Variants in PITPNM2 observed in about 807,000 individuals in gnomAD.
PITPNM2 encodes the protein phosphatidylinositol transfer protein membrane associated 2.
In PITPNM2, 35 loss-of-function variants were observed where a neutral mutation model predicts 132.2. The ratio of observed to expected loss-of-function variants is 0.26; its 90% CI spans 0.20 to 0.35. The LOEUF is 0.35. Ranked by LOEUF, PITPNM2 falls within the 10% of genes least tolerant of loss-of-function variation. PITPNM2 has a pLI of 1.00. For missense variants in PITPNM2, 1,332 were observed against 1,912.0 expected (o/e 0.70, Z 5.66); for synonymous variants, 738 against 799.2 (o/e 0.92, Z 1.29).
intron 1 of PITPNM2, among the ~76,000 whole-genome samples, chr12:123,116,410 G>C (rs2042936732): frequency 6.6e-6 from 1 of 152,116 alleles, no homozygotes; most frequent in Admixed American, 6.5e-5. Context: ...AGTGCTTCAG[G>C]AGGCCAAGGT....
chr12:123,075,900 T>C (rs2041770372), intron 2 of PITPNM2: 1 of 152,272 alleles, frequency 6.6e-6, no homozygotes, highest in Non-Finnish European at 1.5e-5. Flanking sequence ...GCTTGGTAAC[T>C]GAACACACAC....
At position 123,064,525 on chromosome 12, in the gene PITPNM2, G is replaced by C. The variant is rs1278751715; in HGVS notation, c.-95-29840C>G. 6.6e-6 allele frequency among the ~76,000 whole-genome samples: 1 copy of C among 152,326 alleles called. No individual in the cohort carries two copies. Among genetic ancestry groups the C allele is most frequent in the East Asian group, 1.9e-4 (1 of 5,184 alleles). On this transcript the variant is annotated intron_variant, in intron 2 of 25. Transcript: ENST00000320201. This position sits in a 1 kb window ranked among gnomAD's most constrained non-coding sequence, Gnocchi z 4.0. The stretch of plus-strand genomic sequence containing the variant: ...GCCCAAGCCCATCGCGCACAGTCTG[G>C]CTCCTCTATCTTTGGCGGGGAGCCT...
chr12:123,119,945 G>A (rs1790121), intron 1 of PITPNM2, among the ~76,000 whole-genome samples: 82,298 of 151,802 alleles, frequency 0.54, 26,820 homozygotes, highest in Non-Finnish European at 0.71. Context: ...ACGTGAGGAG[G>A]CTGTGTCAGC....
rs1306541211 is a variant in PITPNM2, at chr12:123,117,033, A to T, written c.-199-6545T>A. Among the ~76,000 whole-genome samples the T allele has an allele frequency of 6.6e-6, 1 of 152,188 alleles. No homozygotes were observed. The highest frequency in any genetic ancestry group is 1.5e-5 in the Non-Finnish European group (1 of 68,040). ...ATTTTGCATCACTATGTTTGGACGT[A>T]CTCTGTTAAGCAGCAATAGGTAACT... On this transcript the variant is annotated intron_variant, in intron 1 of 25. Transcript: ENST00000320201. This position sits in a 1 kb window ranked among gnomAD's most constrained non-coding sequence, Gnocchi z 4.7.
At chr12:123,107,385 C>A (rs1037045797) in intron 2 of PITPNM2, among the ~76,000 whole-genome samples, 4 of 152,208 alleles carry the variant, frequency 2.6e-5, no homozygotes, top group African/African-American at 9.6e-5. Flanking sequence ...GGCTGGGACC[C>A]TCCTCTTTAA....
At chr12:123,001,772 T>C (rs1246322956) in intron 8 of PITPNM2, among the ~76,000 whole-genome samples, 2 of 152,168 alleles carry the variant, frequency 1.3e-5, no homozygotes, top group African/African-American at 4.8e-5. Context: ...GGCTCATGCC[T>C]GTAATCCCAG....
rs756750318 is a variant in PITPNM2, at chr12:122,986,468, G to A, written c.3694C>T (p.Arg1232Trp). The change falls in exon 25 of 26, where the codon CGG becomes TGG. Residue 1232 changes from arginine to tryptophan, a missense_variant. Around this residue, in one of 6 missense-constraint regions of PITPNM2, gnomAD observed 251 missense variants for 472.0 expected, o/e 0.53. Transcript: ENST00000320201. The part of the protein sequence containing the change: ...LSPMQIYIVG[R>W]PTKKLQQQCQ... ...TGCTGCTGCAGCTTCTTGGTGGGCCGGCCCACGATGTAGATCTGCATGGGG... is the reference window on the plus strand; with the variant it reads ...TGCTGCTGCAGCTTCTTGGTGGGCCAGCCCACGATGTAGATCTGCATGGGG... 2 of 1,579,106 alleles carry A rather than the reference G, an allele frequency of 1.3e-6. No individual in the cohort carries two copies. Among genetic ancestry groups the A allele is most frequent in the Admixed American group, 1.8e-5 (1 of 54,074 alleles).
At position 122,994,686 on chromosome 12, in the gene PITPNM2, G is replaced by A. The variant is rs904769307; in HGVS notation, c.2233+115C>T. On this transcript the variant is annotated intron_variant, in intron 15 of 25. Coordinates refer to ENST00000320201, the MANE Select transcript of PITPNM2 (RefSeq NM_020845.3). The surrounding 1 kb of genome is among the most constrained non-coding windows in gnomAD (Gnocchi z 5.4). ...GGGCCCTTGGTGGGGAAGACAGGAA[G>A]GAGGGCAGAAACAGGCCTGGGACGT... is the stretch of plus-strand genomic sequence containing the variant. 3.3e-6 allele frequency: 4 copies of A among 1,195,992 alleles called. No individual in the cohort carries two copies. The South Asian group carries it at 6.6e-5, about 20-fold the overall frequency. The allele number at this position is 1,195,992 out of a possible 1,614,324, so 74.1% of individuals were successfully genotyped here. A position where few individuals can be genotyped will look rare whatever the true frequency, so the allele number is the denominator to read the frequency against.
chr12:123,055,815 A>C (rs1041158618), intron 2 of PITPNM2, among the ~76,000 whole-genome samples: 5 of 152,090 alleles, frequency 3.3e-5, no homozygotes, highest in African/African-American at 9.7e-5. Flanking sequence ...AGAAGCAAAC[A>C]GGGCAGAGGG....
In PITPNM2 at chr12:123,036,947, G is replaced by A. The variant is rs1232787150; in HGVS notation, c.-95-2262C>T. ...GCTCAAGTGAAAAAAGACCATTGCT[G>A]ACCTTCTTCAAGGTCAATGGGTCTA... On this transcript the variant is annotated intron_variant, in intron 2 of 25. Coordinates refer to ENST00000320201, the MANE Select transcript of PITPNM2 (RefSeq NM_020845.3). This position sits in a 1 kb window ranked among gnomAD's most constrained non-coding sequence, Gnocchi z 4.1. Among the ~76,000 whole-genome samples, 3 of 152,212 alleles carry A rather than the reference G, an allele frequency of 2.0e-5. No individual in the cohort carries two copies. The highest frequency in any genetic ancestry group is 4.4e-5 in the Non-Finnish European group (3 of 68,040).
intron 19 of PITPNM2, 59 bp from the exon 20 acceptor site, chr12:122,988,409 T>C (rs1393661011): frequency 9.0e-6 from 13 of 1,446,840 alleles, no homozygotes; most frequent in African/African-American, 1.4e-5. Context: ...CTTCCTGCCC[T>C]GGGAGGAGGA....
chr12:123,032,824 T>C (rs547895852), intron 3 of PITPNM2, among the ~76,000 whole-genome samples: 14 of 152,292 alleles, frequency 9.2e-5, no homozygotes, highest in African/African-American at 3.4e-4. Flanking sequence ...ATCGGGTAAG[T>C]GGTTCAAGAG....
In PITPNM2 at chr12:123,097,729, C is replaced by T. The variant is rs1010261619; in HGVS notation, c.-96+12656G>A. 6.6e-6 allele frequency among the ~76,000 whole-genome samples: 1 copy of T among 152,214 alleles called. No individual in the cohort carries two copies. The highest frequency in any genetic ancestry group is 2.4e-5 in the African/African-American group (1 of 41,450). Reference sequence around the variant, plus strand: ...CTGTGCCTATATTTATCGCCCAAAGCCGCTGGGATAATGGCAAGGCCAGAA... The same window carrying T: ...CTGTGCCTATATTTATCGCCCAAAGTCGCTGGGATAATGGCAAGGCCAGAA... On this transcript the variant is annotated intron_variant, in intron 2 of 25. Coordinates refer to ENST00000320201, the MANE Select transcript of PITPNM2 (RefSeq NM_020845.3). The surrounding 1 kb of genome is among the most constrained non-coding windows in gnomAD (Gnocchi z 4.7).
In PITPNM2 at chr12:123,150,756, G is replaced by C. The variant is rs936232057; in HGVS notation, c.-203C>G. Among the ~76,000 whole-genome samples, 4 of 149,882 alleles carry C rather than the reference G, an allele frequency of 2.7e-5. No homozygotes were observed. The highest frequency in any genetic ancestry group is 9.7e-5 in the African/African-American group (4 of 41,134). On this transcript the variant is annotated 5_prime_UTR_variant, in exon 1 of 26. Transcript: ENST00000320201. The surrounding 1 kb of genome is among the most constrained non-coding windows in gnomAD (Gnocchi z 6.0). ...GCGGCCGCCCGGACGCACTCACCCC[G>C]CTCGGCGCGGCCGCGGGCTCTGTCC...
At position 123,009,781 on chromosome 12, in the gene PITPNM2, C is replaced by T. The variant is rs1033686154; in HGVS notation, c.643+69G>A. ...CAGACATGCAAAGAGAGGAGGCAGA[C>T]AGGCAGGTGACAGGAGACAGAGGGG... On this transcript the variant is annotated intron_variant, in intron 6 of 25. Coordinates refer to ENST00000320201, the MANE Select transcript of PITPNM2 (RefSeq NM_020845.3). This position sits in a 1 kb window ranked among gnomAD's most constrained non-coding sequence, Gnocchi z 4.8. 11 of 1,402,604 alleles carry T rather than the reference C, an allele frequency of 7.8e-6. No homozygotes were observed. The African/African-American group carries it at 1.6e-4, about 20-fold the overall frequency. The allele number at this position is 1,402,604 out of a possible 1,614,324, so 86.9% of individuals were successfully genotyped here. A position where few individuals can be genotyped will look rare whatever the true frequency, so the allele number is the denominator to read the frequency against.
At chr12:123,136,076 G>A (rs1275838477) in intron 1 of PITPNM2, among the ~76,000 whole-genome samples, 1 of 152,088 alleles carries the variant, frequency 6.6e-6, no homozygotes, top group African/African-American at 2.4e-5. Context: ...GCTGAGGCAG[G>A]TGGATCACGA....
At chr12:123,034,989 G>A (rs1301471393) in intron 2 of PITPNM2, among the ~76,000 whole-genome samples, 1 of 152,238 alleles carries the variant, frequency 6.6e-6, no homozygotes, top group East Asian at 1.9e-4. Context: ...CCGTGCTCTT[G>A]TTTTACTCAC....
rs562869288 is a variant in PITPNM2, at chr12:123,023,308, C to T, written c.79-9266G>A. Among the ~76,000 whole-genome samples, 1 of 152,208 alleles carries T rather than the reference C, an allele frequency of 6.6e-6. No homozygotes were observed. Among genetic ancestry groups the T allele is most frequent in the South Asian group, 2.1e-4 (1 of 4,818 alleles). On this transcript the variant is annotated intron_variant, in intron 3 of 25. Coordinates refer to ENST00000320201, the MANE Select transcript of PITPNM2 (RefSeq NM_020845.3). The surrounding 1 kb of genome is among the most constrained non-coding windows in gnomAD (Gnocchi z 4.8). ...CGTGCATGCGTGCACACACATGTGG[C>T]GTGTGTGTGCATGCAGGAGCCAAGG...
In PITPNM2 at chr12:123,031,242, G is replaced by T. The variant is rs2040076420; in HGVS notation, c.78+3271C>A. Among the ~76,000 whole-genome samples the T allele has an allele frequency of 1.3e-5, 2 of 152,250 alleles. No homozygotes were observed. ...TTCCAAATGCTATAGAGACCTGATA[G>T]CCTGAGCCCCGTCCATGCAGACAGT... On this transcript the variant is annotated intron_variant, in intron 3 of 25. Coordinates refer to ENST00000320201, the MANE Select transcript of PITPNM2 (RefSeq NM_020845.3). The surrounding 1 kb of genome is among the most constrained non-coding windows in gnomAD (Gnocchi z 4.5).
Sources: allele counts gnomAD v4.1 joint callset (sites outside exome capture counted in the v4.1 genomes callset), GRCh38; gene constraint gnomAD v4.1.1; regional missense constraint gnomAD v4.1.1; non-coding constraint Gnocchi (gnomAD v3.1); transcripts MANE v1.5; gene names NCBI Gene and HGNC (gene_info 2026-07-23, HGNC 2026-07-21).